Variants in PACRG observed in about 807,000 individuals in gnomAD.
PACRG encodes parkin coregulated gene protein.
PACRG carries 29 observed loss-of-function variants against 29.7 expected under a neutral mutation model. The ratio of observed to expected loss-of-function variants is 0.98; its 90% confidence interval spans 0.73 to 1.33. The LOEUF (loss-of-function observed/expected upper bound fraction) is 1.33, where lower values mean the gene tolerates loss of function less well. PACRG is among the 40% of genes most tolerant of loss of function. The pLI is 0.00. For synonymous variants in PACRG, 116 were observed against 118.7 expected (o/e 0.98, Z 0.15); for missense variants, 279 against 316.2 (o/e 0.88, Z 0.89).
chr6:163,112,181 T>C (rs1490706850), intron 4 of PACRG: 1 of 296,876 alleles, frequency 3.4e-6, no homozygotes, highest in Non-Finnish European at 5.0e-6. Context: ...TGATGGAACT[T>C]TTTTTGAAGT....
chr6:162,861,393 G>A (rs1356277506), intron 2 of PACRG, among the ~76,000 whole-genome samples: 1 of 152,074 alleles, frequency 6.6e-6, no homozygotes, highest in Admixed American at 6.6e-5. Context: ...ATAAAATGTA[G>A]GTAATCAAAA....
intron 2 of PACRG, among the ~76,000 whole-genome samples, chr6:163,045,524 C>T (rs1809248510): frequency 6.6e-6 from 1 of 151,502 alleles, no homozygotes; most frequent in African/African-American, 2.4e-5. Flanking sequence ...TGGGTTTCAC[C>T]ATGTTAGCCA....
chr6:162,779,362 G>A (rs1178167208), intron 1 of PACRG, among the ~76,000 whole-genome samples: 1 of 152,120 alleles, frequency 6.6e-6, no homozygotes, highest in Non-Finnish European at 1.5e-5. Context: ...CTTCTTGAAG[G>A]GCATGGGCCT....
chr6:163,151,666 C>T (rs897088992), intron 4 of PACRG, among the ~76,000 whole-genome samples: 1 of 152,166 alleles, frequency 6.6e-6, no homozygotes, highest in African/African-American at 2.4e-5. Flanking sequence ...CATCAGTAAG[C>T]ATGAATTCAG....
At chr6:162,866,916 C>G (rs1792345554) in intron 2 of PACRG, among the ~76,000 whole-genome samples, 1 of 152,214 alleles carries the variant, frequency 6.6e-6, no homozygotes. Flanking sequence ...GAAAGCCAAA[C>G]ATTTTCTCTT....
intron 2 of PACRG, among the ~76,000 whole-genome samples, chr6:162,997,222 C>G (rs1056573925): frequency 6.6e-6 from 1 of 152,096 alleles, no homozygotes; most frequent in Non-Finnish European, 1.5e-5. Flanking sequence ...TAGAGCAAAT[C>G]TACATAAGGC....
intron 2 of PACRG, among the ~76,000 whole-genome samples, chr6:162,958,735 CGTGT>C (rs139595345): frequency 6.9e-6 from 1 of 144,760 alleles, no homozygotes. Context: ...TACACATATG[CGTGT>C]GTGTGTGTGT....
chr6:163,018,421 G>C (rs1206309190), intron 2 of PACRG, among the ~76,000 whole-genome samples: 2 of 150,102 alleles, frequency 1.3e-5, no homozygotes, highest in African/African-American at 5.1e-5. Context: ...GAATCCTCAA[G>C]AAGTTTTCAT....
chr6:162,895,752 C>T (rs1279782918), intron 2 of PACRG, among the ~76,000 whole-genome samples: 4 of 152,224 alleles, frequency 2.6e-5, no homozygotes, highest in Non-Finnish European at 4.4e-5. Flanking sequence ...GAGCATCCAA[C>T]AGTCTTAATT....
chr6:162,855,184 C>T (rs1375913416), intron 2 of PACRG, among the ~76,000 whole-genome samples: 1 of 152,188 alleles, frequency 6.6e-6, no homozygotes, highest in Admixed American at 6.5e-5. Context: ...TAATGCCCAG[C>T]GCTGACACCT....
chr6:163,072,662 C>G (rs1812177472), intron 3 of PACRG, among the ~76,000 whole-genome samples: 1 of 152,090 alleles, frequency 6.6e-6, no homozygotes, highest in Non-Finnish European at 1.5e-5. Context: ...AAGAAGAAGT[C>G]AAATTATCCT....
At chr6:162,931,480 T>A (rs889135528) in intron 2 of PACRG, among the ~76,000 whole-genome samples, 8 of 151,904 alleles carry the variant, frequency 5.3e-5, no homozygotes, top group African/African-American at 1.9e-4. Flanking sequence ...TCCATGATAG[T>A]TTGAGTTAAA....
At chr6:163,278,624 G>T (rs1220944026) in intron 4 of PACRG, among the ~76,000 whole-genome samples, 2 of 152,056 alleles carry the variant, frequency 1.3e-5, no homozygotes, top group Non-Finnish European at 2.9e-5. Flanking sequence ...TGTTTGCTTT[G>T]TCAAAGATCA....
intron 4 of PACRG, among the ~76,000 whole-genome samples, chr6:163,312,030 G>T (rs1785439443): frequency 6.6e-6 from 1 of 152,148 alleles, no homozygotes; most frequent in African/African-American, 2.4e-5. Context: ...ACTAATGTAT[G>T]TATCTTTGTC....
chr6:162,811,292 A>T (rs1385656736), intron 1 of PACRG, among the ~76,000 whole-genome samples: 1 of 152,216 alleles, frequency 6.6e-6, no homozygotes, highest in African/African-American at 2.4e-5. Context: ...AATATCAGAA[A>T]TGAAGAATGG....
chr6:162,852,736 T>C (rs1791031867), intron 2 of PACRG, among the ~76,000 whole-genome samples: 1 of 152,236 alleles, frequency 6.6e-6, no homozygotes, highest in South Asian at 2.1e-4. Context: ...AAAGCCCTGT[T>C]ATAATAAAGC....
chr6:163,139,662 C>A (rs888064416), intron 4 of PACRG, among the ~76,000 whole-genome samples: 1 of 152,180 alleles, frequency 6.6e-6, no homozygotes, highest in African/African-American at 2.4e-5. Context: ...CCATTACTTT[C>A]TGTCTTAATC....
At chr6:163,003,213 T>C (rs774811310) in intron 2 of PACRG, among the ~76,000 whole-genome samples, 1 of 152,236 alleles carries the variant, frequency 6.6e-6, no homozygotes, top group Non-Finnish European at 1.5e-5. Context: ...ATTGCCTGGA[T>C]AAGTACGTGT....
At chr6:162,983,215 C>A (rs989520207) in intron 2 of PACRG, among the ~76,000 whole-genome samples, 3 of 151,934 alleles carry the variant, frequency 2.0e-5, no homozygotes, top group Admixed American at 6.6e-5. Flanking sequence ...TTAGGTGAGT[C>A]TCTTGAAGAC....
Sources: gnomAD v4.1 joint callset for allele counts (sites outside exome capture counted in the v4.1 genomes callset) on GRCh38, gnomAD v4.1.1 for gene constraint, MANE v1.5 for transcripts, NCBI Gene and HGNC (gene_info 2026-07-23, HGNC 2026-07-21) for gene names.